The following TMEM132E variants were observed in gnomAD, a reference collection of about 807,000 sequenced individuals.
TMEM132E encodes the protein transmembrane protein 132E.
In TMEM132E, 49 loss-of-function variants were observed where a neutral mutation model predicts 78.5. The ratio of observed to expected loss-of-function variants is 0.62; its 90% CI spans 0.50 to 0.79. TMEM132E has a LOEUF of 0.79. TMEM132E is among the 30% of genes least tolerant of loss of function. The pLI is 0.00. For synonymous variants in TMEM132E, 715 were observed against 670.6 expected (o/e 1.07, Z -1.02); for missense variants, 1,403 against 1,470.9 (o/e 0.95, Z 0.75).
chr17:34,632,063 C>T (rs900211342), intron 5 of TMEM132E, among the ~76,000 whole-genome samples: 1 of 152,214 alleles, frequency 6.6e-6, no homozygotes, highest in African/African-American at 2.4e-5. Context: ...ACAGCCACAT[C>T]CATTGGTGGC....
intron 1 of TMEM132E, among the ~76,000 whole-genome samples, chr17:34,623,153 C>T (rs550486199): frequency 4.3e-4 from 66 of 152,264 alleles, no homozygotes; most frequent in East Asian, 1.9e-3. Flanking sequence ...TTTTGCCAGA[C>T]CAGGTCCTCC....
At chr17:34,621,565 A>T (rs2142075181) in intron 1 of TMEM132E, among the ~76,000 whole-genome samples, 1 of 152,260 alleles carries the variant, frequency 6.6e-6, no homozygotes, top group Non-Finnish European at 1.5e-5. Context: ...GTCAGAGGAG[A>T]CATGGAGAAG....
intron 1 of TMEM132E, among the ~76,000 whole-genome samples, chr17:34,592,211 C>G (rs1324583918): frequency 1.3e-5 from 2 of 152,106 alleles, no homozygotes; most frequent in African/African-American, 4.8e-5. Flanking sequence ...CCCTTCCTCC[C>G]TCCCCACTTT....
At position 34,594,939 on chromosome 17, in the gene TMEM132E, G is replaced by A. The variant is rs1205034395; in HGVS notation, c.67+13796G>A. 3.3e-5 allele frequency among the ~76,000 whole-genome samples: 5 copies of A among 152,204 alleles called. No individual in the cohort carries two copies. The East Asian group carries it at 7.7e-4, about 23-fold the overall frequency. On this transcript the variant is annotated intron_variant, in intron 1 of 8. Transcript: ENST00000631683. ...AAGCACTGTGACAAACACCAGGCAT[G>A]CAGAGATGAAGACACAGTGGCTGGC... is the stretch of plus-strand genomic sequence containing the variant.
chr17:34,596,955 T>C (rs1170833046), intron 1 of TMEM132E, among the ~76,000 whole-genome samples: 1 of 146,552 alleles, frequency 6.8e-6, no homozygotes, highest in Non-Finnish European at 1.5e-5. Flanking sequence ...TGGCTGCACC[T>C]CCCAGCTCCA....
At chr17:34,618,086 ATT>A (rs769268848) in intron 1 of TMEM132E, among the ~76,000 whole-genome samples, 63 of 152,210 alleles carry the variant, frequency 4.1e-4, no homozygotes, top group Non-Finnish European at 5.7e-4. Context: ...GGTAAATATT[ATT>A]TTTGAAAACT....
At chr17:34,588,747 C>T (rs114488959) in intron 1 of TMEM132E, among the ~76,000 whole-genome samples, 1,802 of 151,912 alleles carry the variant, frequency 0.012, 41 homozygotes, top group African/African-American at 0.041. Context: ...TGTTGTTTTG[C>T]TGTTGTTTTT....
chr17:34,587,445 A>G (rs972861349), intron 1 of TMEM132E, among the ~76,000 whole-genome samples: 4 of 152,158 alleles, frequency 2.6e-5, no homozygotes, highest in African/African-American at 9.7e-5. Context: ...GAGAGGCCCC[A>G]ATAAGATGAG....
In TMEM132E at chr17:34,637,335, C is replaced by A; in HGVS notation, c.2328C>A (p.Ala776=). The A allele has an allele frequency of 1.9e-6, 3 of 1,614,036 alleles. No homozygotes were observed. The highest frequency in any genetic ancestry group is 2.5e-6 in the Non-Finnish European group (3 of 1,180,034). The change falls in exon 9 of 9, where the codon GCC becomes GCA. Residue 776 remains alanine, a synonymous_variant. Coordinates refer to ENST00000631683, the MANE Select transcript of TMEM132E (RefSeq NM_001304438.2). The part of the protein sequence containing the change: ...DRAFPLVVAE[A]EGSGELLRAE... ...CCTTCCCTCTGGTAGTGGCTGAGGC[C>A]GAGGGGTCAGGGGAGCTGCTTCGCG... is the stretch of plus-strand genomic sequence containing the variant.
At chr17:34,584,038 G>A (rs1905582533) in intron 1 of TMEM132E, among the ~76,000 whole-genome samples, 5 of 152,232 alleles carry the variant, frequency 3.3e-5, no homozygotes. Context: ...TTAGGGGTCA[G>A]CGTGGTGGAT....
chr17:34,627,339 G>A (rs1907185255), intron 2 of TMEM132E, among the ~76,000 whole-genome samples: 1 of 152,172 alleles, frequency 6.6e-6, no homozygotes, highest in Non-Finnish European at 1.5e-5. Context: ...AGTTTCACAA[G>A]CATAGATTTC....
At chr17:34,626,091 G>T in intron 1 of TMEM132E, 36 bp from the exon 2 acceptor site, 1 of 1,460,404 alleles carries the variant, frequency 6.8e-7, no homozygotes, top group South Asian at 1.5e-5. Flanking sequence ...GGCCTCTCCT[G>T]ACCACCCTGG....
chr17:34,626,790 G>A lies in TMEM132E; in HGVS notation c.731G>A (p.Gly244Asp). The change falls in exon 2 of 9, where the codon GGC becomes GAC. Residue 244 changes from glycine (G) to aspartate (D), a missense_variant. This residue lies in a region of TMEM132E where 511 missense variants were observed against 499.0 expected (regional missense o/e 1.02). Coordinates refer to ENST00000631683, the MANE Select transcript of TMEM132E (RefSeq NM_001304438.2). ...YTLHAPDASG[G>D]CGGSRRGAGP... ...CTCCACGCCCCTGATGCGTCGGGGG[G>A]CTGCGGGGGCTCCCGCCGGGGGGCC... 3.3e-6 allele frequency: 5 copies of A among 1,504,520 alleles called. No individual in the cohort carries two copies. The highest frequency in any genetic ancestry group is 3.6e-6 in the Non-Finnish European group (4 of 1,126,572). 93.2% of individuals were successfully genotyped at this position (1,504,520 alleles called of 1,614,324 possible).
At position 34,626,152 on chromosome 17, in the gene TMEM132E, C is replaced by T; in HGVS notation, c.93C>T (p.Ser31=). 6 of 1,543,808 alleles carry T rather than the reference C, an allele frequency of 3.9e-6. No homozygotes were observed. Among genetic ancestry groups the T allele is most frequent in the Non-Finnish European group, 5.2e-6 (6 of 1,147,370 alleles). The change falls in exon 2 of 9, where the codon AGC becomes AGT. Residue 31 remains serine (S), a synonymous_variant. Coordinates refer to ENST00000631683, the MANE Select transcript of TMEM132E (RefSeq NM_001304438.2). The stretch of plus-strand genomic sequence containing the variant: ...CCTCTGGCCGCTCCCACCCGGCCAG[C>T]CCCAGCCCGCCGGGGCCGCAGGCCA... ...AHASGRSHPA[S]PSPPGPQASP...
At position 34,638,401 on chromosome 17, in the gene TMEM132E, T is replaced by C; in HGVS notation, c.*169T>C. The C allele has an allele frequency of 1.5e-6, 1 of 677,092 alleles. No homozygotes were observed. 41.9% of individuals were successfully genotyped at this position (677,092 alleles called of 1,614,324 possible). A position where few individuals can be genotyped will look rare whatever the true frequency, so the allele number is the denominator to read the frequency against. On this transcript the variant is annotated 3_prime_UTR_variant, in exon 9 of 9. Transcript: ENST00000631683. ...GCGGGCCGCCTCAGTGTCTGGGCCT[T>C]CCCTCGCCTCACGCCATTACCCTCT...
At chr17:34,613,211 A>ACACACACACACGCGCGCGCG in intron 1 of TMEM132E, among the ~76,000 whole-genome samples, 37 of 115,972 alleles carry the variant, frequency 3.2e-4, no homozygotes, top group Admixed American at 6.9e-4. Flanking sequence ...ACACACACAC[A>ACACACACACACGCGCGCGCG]CGCGCGCGCG....
intron 1 of TMEM132E, among the ~76,000 whole-genome samples, chr17:34,599,832 G>A (rs1906176642): frequency 1.3e-5 from 2 of 152,126 alleles, no homozygotes; most frequent in South Asian, 4.1e-4. Context: ...AGGGAGTGGG[G>A]AGGGGGCCAG....
intron 2 of TMEM132E, among the ~76,000 whole-genome samples, chr17:34,627,466 T>TTGTGTGTGTGTG (rs1907189576): frequency 4.0e-5 from 1 of 24,986 alleles, no homozygotes; most frequent in Non-Finnish European, 9.5e-5. Flanking sequence ...GCCAAAAGAA[T>TTGTGTGTGTGTG]CGTGTGTGTG....
chr17:34,629,288 G>A, intron 4 of TMEM132E, 84 bp downstream of exon 4: 1 of 1,437,492 alleles, frequency 7.0e-7, no homozygotes, highest in South Asian at 1.3e-5. Context: ...GAACCACTGA[G>A]TATATGTACA....
Sources: gnomAD v4.1 joint callset for allele counts (sites outside exome capture counted in the v4.1 genomes callset) on GRCh38, gnomAD v4.1.1 for gene constraint, gnomAD v4.1.1 regional missense constraint, MANE v1.5 for transcripts, NCBI Gene and HGNC (gene_info 2026-07-23, HGNC 2026-07-21) for gene names.